ANKAR: variants seen among roughly 807,000 people sequenced by gnomAD.
The protein encoded by ANKAR is ankyrin and armadillo repeat containing.
ANKAR carries 136 observed loss-of-function variants against 146.2 expected under a neutral mutation model. That is an observed-to-expected ratio of 0.93 (90% confidence interval 0.81 to 1.07). The LOEUF (loss-of-function observed/expected upper bound fraction) is 1.07. Ranked by LOEUF, ANKAR falls within the 50% of genes least tolerant of loss-of-function variation. The pLI, the probability that ANKAR is intolerant of heterozygous loss-of-function variation, is 0.00. For synonymous variants in ANKAR, 500 were observed against 575.8 expected, an observed-to-expected ratio of 0.87 and a Z score of 1.88; for missense variants, 1,567 against 1,679.9, an observed-to-expected ratio of 0.93 and a Z score of 1.18.
At chr2:189,711,751 A>T (rs541820463) in intron 10 of ANKAR, among the ~76,000 whole-genome samples, 1 of 152,318 alleles carries the variant, frequency 6.6e-6, no homozygotes, top group South Asian at 2.1e-4. Flanking sequence ...CTGATTGGAC[A>T]GTGGGTACAG....
intron 15 of ANKAR, 88 bp downstream of exon 15, chr2:189,728,909 C>A: frequency 7.9e-7 from 1 of 1,268,744 alleles, no homozygotes; most frequent in Non-Finnish European, 1.1e-6. Context: ...CTCTTCCTCT[C>A]TATCCCCACT....
At chr2:189,716,369 A>G (rs1175948980) in intron 10 of ANKAR, among the ~76,000 whole-genome samples, 1 of 152,210 alleles carries the variant, frequency 6.6e-6, no homozygotes, top group Non-Finnish European at 1.5e-5. Flanking sequence ...ATACCTAGGA[A>G]TCCAACTTAC....
chr2:189,746,731 T>C (rs2044214441), downstream of ANKAR: 1 of 1,249,668 alleles, frequency 8.0e-7, no homozygotes, highest in Non-Finnish European at 1.1e-6. Flanking sequence ...TCTTTTTGAA[T>C]GAAAGTTCTT....
In ANKAR at chr2:189,755,252, AACAG is replaced by A. The variant is rs749111152; in HGVS notation, c.*585-5841_*585-5838del. 3.1e-6 allele frequency: 5 copies of A among 1,613,668 alleles called. No homozygotes were observed. In the South Asian group the frequency reaches 5.5e-5, roughly 18 times the overall value. ...ATCTGAAACTCCTTGAACTAATGCCAACAGACAGTGACCTCCAGAAATCAAAAGA... is the reference window on the plus strand; with the variant it reads ...ATCTGAAACTCCTTGAACTAATGCCAACAGTGACCTCCAGAAATCAAAAGA... On this transcript the variant is annotated intron_variant and NMD_transcript_variant, in intron 18 of 18. Transcript: ENST00000441800.
intron 10 of ANKAR, among the ~76,000 whole-genome samples, chr2:189,718,745 C>T (rs868651609): frequency 0.017 from 2,341 of 139,158 alleles, 68 homozygotes; most frequent in African/African-American, 0.058. Flanking sequence ...TTTCTATTTT[C>T]TTTTTTTTTT....
chr2:189,681,468 G>A (rs1273815940), intron 2 of ANKAR, among the ~76,000 whole-genome samples: 3 of 152,202 alleles, frequency 2.0e-5, no homozygotes, highest in African/African-American at 7.2e-5. Flanking sequence ...CCCTTGCAAT[G>A]GTGCACCTGG....
At chr2:189,681,475 C>G (rs916516489) in intron 2 of ANKAR, among the ~76,000 whole-genome samples, 3 of 152,170 alleles carry the variant, frequency 2.0e-5, no homozygotes, top group Admixed American at 6.5e-5. Flanking sequence ...AATGGTGCAC[C>G]TGGTAAGGGG....
chr2:189,745,374 GAAGT>G (rs1465772218), intron 22 of ANKAR, among the ~76,000 whole-genome samples: 3 of 152,078 alleles, frequency 2.0e-5, no homozygotes, highest in Admixed American at 6.6e-5. Flanking sequence ...ACCATGCATA[GAAGT>G]AAGTCATTAT....
intron 4 of ANKAR, 28 bp from the exon 5 acceptor site, chr2:189,693,046 G>A: frequency 8.7e-7 from 1 of 1,151,688 alleles, no homozygotes; most frequent in Non-Finnish European, 1.3e-6. Context: ...CTAAGGATAT[G>A]TCTTTAGTAA....
rs1374457488 is a variant in ANKAR, at chr2:189,744,632, C to G, written c.4011-110C>G. 2.7e-5 allele frequency: 18 copies of G among 667,974 alleles called. No individual in the cohort carries two copies. In the Admixed American group the frequency reaches 4.9e-4, roughly 18 times the overall value. 41.4% of individuals were successfully genotyped at this position (667,974 alleles called of 1,614,324 possible). On this transcript the variant is annotated intron_variant, in intron 21 of 22. Transcript: ENST00000684021. The stretch of plus-strand genomic sequence containing the variant: ...GTGGAGGTAACATGTATGAATTAGG[C>G]CATTAGGCATTAAACCTGGTACTGT...
Position 189,727,936 on chromosome 2 carries a change from G to A in ANKAR, c.2716G>A (p.Glu906Lys), listed in dbSNP as rs1274686913. 2 of 1,613,942 alleles carry A rather than the reference G, an allele frequency of 1.2e-6. No homozygotes were observed. Among genetic ancestry groups the A allele is most frequent in the African/African-American group, 1.3e-5 (1 of 74,912 alleles). ...NKEIQDAIAM[E>K]GAIPPLVALF... ...GGAAATTCAGGATGCTATAGCTATG[G>A]AGGGAGCGATTCCTCCTCTGGTGGC... The change falls in exon 13 of 23, where the codon GAG (glutamate) becomes AAG (lysine). Residue 906 changes from glutamate (E) to lysine (K), a missense_variant. Transcript: ENST00000684021.
intron 9 of ANKAR, 119 bp downstream of exon 9, chr2:189,707,265 G>A: frequency 2.0e-6 from 1 of 492,836 alleles, no homozygotes; most frequent in Non-Finnish European, 3.3e-6. Flanking sequence ...TAAAAATCAT[G>A]AAATAAACAT....
chr2:189,730,651 A>G, intron 16 of ANKAR, 50 bp downstream of exon 16: 1 of 949,788 alleles, frequency 1.1e-6, no homozygotes, highest in Non-Finnish European at 1.5e-6. Flanking sequence ...AACAAATATA[A>G]TTTTAAGAAA....
chr2:189,691,419 G>T (rs753422464), intron 3 of ANKAR, among the ~76,000 whole-genome samples: 16 of 152,008 alleles, frequency 1.1e-4, no homozygotes, highest in African/African-American at 1.9e-4. Flanking sequence ...AATATGGGAT[G>T]GTTATTTTTA....
chr2:189,712,777 T>C (rs955128627), intron 10 of ANKAR, among the ~76,000 whole-genome samples: 1 of 152,142 alleles, frequency 6.6e-6, no homozygotes, highest in Non-Finnish European at 1.5e-5. Flanking sequence ...ATGACTTTGA[T>C]GAGTTGACAG....
At chr2:189,753,788 A>G (rs1377366904) in intron 18 of ANKAR, 1 of 1,020,900 alleles carries the variant, frequency 9.8e-7, no homozygotes, top group Non-Finnish European at 1.4e-6. Flanking sequence ...TATCCTGCAT[A>G]ATTTCATACT....
At chr2:189,707,603 A>T (rs6434364) in intron 9 of ANKAR, among the ~76,000 whole-genome samples, 146,819 of 149,582 alleles carry the variant, frequency 0.98, 72,100 homozygotes, top group South Asian at 1. Context: ...TCTGCTGGAG[A>T]TTTTATTTTC....
At chr2:189,685,643 G>A (rs2035468067) in intron 2 of ANKAR, among the ~76,000 whole-genome samples, 3 of 152,160 alleles carry the variant, frequency 2.0e-5, no homozygotes, top group Middle Eastern at 3.2e-3. Context: ...CTTCACTGTA[G>A]AGTGATGAGC....
intron 18 of ANKAR, 26 bp downstream of exon 18, chr2:189,737,867 A>G: frequency 6.7e-7 from 1 of 1,498,354 alleles, no homozygotes; most frequent in Non-Finnish European, 8.8e-7. Flanking sequence ...TAACACCTCA[A>G]ATTAATAAAT....
Sources: allele counts gnomAD v4.1 joint callset (sites outside exome capture counted in the v4.1 genomes callset), GRCh38; gene constraint gnomAD v4.1.1; transcripts MANE v1.5; gene names NCBI Gene and HGNC (gene_info 2026-07-23, HGNC 2026-07-21).